MTUS1: variants seen among roughly 807,000 people sequenced by gnomAD.
The protein encoded by MTUS1 is microtubule associated scaffold protein 1, also known as microtubule-associated tumor suppressor 1.
In MTUS1, 109 loss-of-function variants were observed where a neutral mutation model predicts 120.8. The observed-to-expected ratio is 0.90, with a 90% CI of 0.77 to 1.06. MTUS1 has a LOEUF of 1.06. Among genes scored for constraint, MTUS1 ranks in the 50% least tolerant of loss-of-function variants. The pLI, the probability that MTUS1 is intolerant of heterozygous loss-of-function variation, is 0.00. For missense variants in MTUS1, 2,210 were observed against 1,486.3 expected (o/e 1.49, Z -8.01); for synonymous variants, 737 against 550.5 (o/e 1.34, Z -4.74).
intron 9 of MTUS1, chr8:17,655,058 T>G (rs748571615): frequency 8.4e-5 from 16 of 190,458 alleles, no homozygotes; most frequent in Non-Finnish European, 1.7e-4. Flanking sequence ...AATGGCTGCA[T>G]CAGTCACAAG....
chr8:17,691,416 C>T (rs1816916279), intron 6 of MTUS1: 2 of 152,232 alleles, frequency 1.3e-5, no homozygotes, highest in South Asian at 4.1e-4. Context: ...TCTAAAACCG[C>T]CACAGCTACC....
At position 17,713,227 on chromosome 8, in the gene MTUS1, T is replaced by A; in HGVS notation, c.2610A>T (p.Thr870=). The part of the protein sequence containing the change: ...PKGPSRKNLF[T]ALNAVEKSRQ... ...GTGGTCACTCACCTGCATTAAGAGC[T>A]GTAAATAAATTTTTTCTCGAAGGAC... Residue 870 remains threonine, a synonymous_variant, in exon 6 of 15, where the codon ACA becomes ACT. Coordinates refer to ENST00000693296, the MANE Select transcript of MTUS1 (RefSeq NM_001363059.2). 6.3e-7 allele frequency: 1 copy of A among 1,599,180 alleles called. No individual in the cohort carries two copies. The highest frequency in any genetic ancestry group is 1.1e-5 in the South Asian group (1 of 89,524).
chr8:17,728,783 G>A (rs1190744027), intron 3 of MTUS1, among the ~76,000 whole-genome samples: 1 of 151,198 alleles, frequency 6.6e-6, no homozygotes, highest in African/African-American at 2.4e-5. Context: ...GATGTGGGTT[G>A]GGGGGGTCGG....
intron 6 of MTUS1, among the ~76,000 whole-genome samples, chr8:17,709,292 A>G (rs895523294): frequency 4.6e-5 from 7 of 152,122 alleles, no homozygotes; most frequent in Admixed American, 6.6e-5. Flanking sequence ...TCTTTACACA[A>G]CAGGCTCAGA....
At chr8:17,756,894 A>T (rs1045722231) in intron 1 of MTUS1, among the ~76,000 whole-genome samples, 52 of 152,282 alleles carry the variant, frequency 3.4e-4, no homozygotes, top group African/African-American at 1.3e-3. Flanking sequence ...CCAAACCCTG[A>T]AAAGAACCTT....
intron 1 of MTUS1, among the ~76,000 whole-genome samples, chr8:17,772,216 A>G (rs2050073446): frequency 6.6e-6 from 1 of 152,218 alleles, no homozygotes; most frequent in Admixed American, 6.5e-5. Flanking sequence ...CCTTCAGAAC[A>G]TCGTATGTAT....
chr8:17,726,565 C>T lies in MTUS1; in HGVS notation c.2288-2732G>A, dbSNP rs545286523. Among the ~76,000 whole-genome samples the T allele has an allele frequency of 3.9e-5, 6 of 152,228 alleles. No individual in the cohort carries two copies. The South Asian group carries it at 1.2e-3, about 32-fold the overall frequency. On this transcript the variant is annotated intron_variant, in intron 3 of 14. Coordinates refer to ENST00000693296, the MANE Select transcript of MTUS1 (RefSeq NM_001363059.2). ...GATGTATTTTGATAATGTGTTCTCCCATCATCTATACTGAAGCATTCAGTG... is the reference window on the plus strand; with the variant it reads ...GATGTATTTTGATAATGTGTTCTCCTATCATCTATACTGAAGCATTCAGTG...
chr8:17,719,709 C>A (rs1452158824), intron 4 of MTUS1, among the ~76,000 whole-genome samples: 4 of 152,172 alleles, frequency 2.6e-5, no homozygotes, highest in African/African-American at 9.7e-5. Context: ...CAGGCGAATT[C>A]TTATCCACTA....
At chr8:17,726,014 T>C (rs2046207247) in intron 3 of MTUS1, among the ~76,000 whole-genome samples, 2 of 152,162 alleles carry the variant, frequency 1.3e-5, no homozygotes, top group South Asian at 2.1e-4. Flanking sequence ...TACCCCTTCA[T>C]ACACACACAC....
intron 7 of MTUS1, 142 bp downstream of exon 7, chr8:17,684,186 T>G: frequency 1.5e-6 from 1 of 645,740 alleles, no homozygotes. Flanking sequence ...TCTGGTGAAG[T>G]GACAAAAATG....
intron 1 of MTUS1, among the ~76,000 whole-genome samples, chr8:17,782,322 G>A (rs1334883042): frequency 6.6e-6 from 1 of 152,148 alleles, no homozygotes; most frequent in African/African-American, 2.4e-5. Flanking sequence ...ATATTCCCTT[G>A]TGCTATTTAT....
At chr8:17,729,649 G>C (rs1352848755) in intron 3 of MTUS1, among the ~76,000 whole-genome samples, 1 of 152,098 alleles carries the variant, frequency 6.6e-6, no homozygotes, top group Non-Finnish European at 1.5e-5. Flanking sequence ...TCCATGAATT[G>C]ATATCTTATT....
intron 8 of MTUS1, among the ~76,000 whole-genome samples, chr8:17,672,116 T>C (rs1285717213): frequency 6.6e-6 from 1 of 152,076 alleles, no homozygotes; most frequent in Non-Finnish European, 1.5e-5. Flanking sequence ...TCCACTTGAG[T>C]TTGAAGAGCC....
intron 1 of MTUS1, among the ~76,000 whole-genome samples, chr8:17,794,731 A>G (rs186397932): frequency 6.6e-6 from 1 of 152,362 alleles, no homozygotes; most frequent in Admixed American, 6.5e-5. Context: ...GTATAATAAA[A>G]AATAAGATTT....
At chr8:17,743,489 T>G (rs1313997795) in intron 3 of MTUS1, 115 bp downstream of exon 3, 2 of 960,288 alleles carry the variant, frequency 2.1e-6, no homozygotes, top group Non-Finnish European at 3.1e-6. Flanking sequence ...GTGCTCAGGA[T>G]GCTGATCCAC....
At chr8:17,733,817 C>G (rs558035300) in intron 3 of MTUS1, among the ~76,000 whole-genome samples, 4 of 152,318 alleles carry the variant, frequency 2.6e-5, no homozygotes, top group Non-Finnish European at 5.9e-5. Flanking sequence ...TCTTCTCATT[C>G]TACCTTCTAG....
In MTUS1 at chr8:17,721,769, C is replaced by T. The variant is rs201491467; in HGVS notation, c.2449+1903G>A. The T allele has an allele frequency of 3.1e-6, 5 of 1,613,854 alleles. No individual in the cohort carries two copies. In the African/African-American group the frequency reaches 4.0e-5, roughly 13 times the overall value. On this transcript the variant is annotated intron_variant, in intron 4 of 14. Transcript: ENST00000693296. ...ATTATACAAAGGCTGTACGATCCCA[C>T]GACCAGCAGTGTCAATAAGGTAGCA...
rs536549920 is a variant in MTUS1, at chr8:17,679,500, TTTA to T, written c.2839-4251_2839-4249del. ...CAACTATTTTTATTTTATTTATTTA[TTTA>T]TTTATTTATTTATTTTTTGAGACAG... On this transcript the variant is annotated intron_variant, in intron 7 of 14. Coordinates refer to ENST00000693296, the MANE Select transcript of MTUS1 (RefSeq NM_001363059.2). 5.2e-5 allele frequency among the ~76,000 whole-genome samples: 5 copies of T among 96,312 alleles called. 1 individual carries two copies. The highest frequency in any genetic ancestry group is 1.6e-4 in the African/African-American group (5 of 32,064). The allele number at this position is 96,312 out of a possible 152,430, so 63.2% of individuals were successfully genotyped here.
At chr8:17,646,845 C>A (rs1401114173) in intron 14 of MTUS1, 137 bp downstream of exon 14, 6 of 648,362 alleles carry the variant, frequency 9.3e-6, no homozygotes, top group African/African-American at 9.2e-5. Context: ...ATATTTTCCA[C>A]AGAGAAATCA....
Sources: allele counts gnomAD v4.1 joint callset (sites outside exome capture counted in the v4.1 genomes callset), GRCh38; gene constraint gnomAD v4.1.1; transcripts MANE v1.5; gene names NCBI Gene and HGNC (gene_info 2026-07-23, HGNC 2026-07-21).